Variants in CENPO observed in about 807,000 individuals in gnomAD.
CENPO encodes the protein centromere protein O.
In CENPO, 30 loss-of-function variants were observed where a neutral mutation model predicts 36.1. The ratio of observed to expected loss-of-function variants is 0.83; its 90% confidence interval spans 0.62 to 1.13. The LOEUF (loss-of-function observed/expected upper bound fraction) is 1.13. Ranked by LOEUF, CENPO falls within the 50% of genes most tolerant of loss-of-function variation. CENPO has a pLI of 0.00. For synonymous variants in CENPO, 171 were observed against 142.3 expected, an observed-to-expected ratio of 1.20 and a Z score of -1.44; for missense variants, 349 against 357.8, an observed-to-expected ratio of 0.98 and a Z score of 0.20.
chr2:24,799,146 G>A (rs950913955), intron 2 of CENPO, among the ~76,000 whole-genome samples: 6 of 151,854 alleles, frequency 4.0e-5, no homozygotes, highest in African/African-American at 1.2e-4. Flanking sequence ...ACAGGCATGC[G>A]CCACCATGCC....
In CENPO at chr2:24,820,538, G is replaced by A; in HGVS notation, c.*1220G>A. ...ACTTCAGCCCAGATTTTGTGGATGG[G>A]TGGAAGTGTTTCTTCCTGTGCTGAG... On this transcript the variant is annotated 3_prime_UTR_variant, in exon 8 of 8. Transcript: ENST00000380834. The A allele has an allele frequency of 1.4e-6, 2 of 1,403,442 alleles. No individual in the cohort carries two copies. Among genetic ancestry groups the A allele is most frequent in the East Asian group, 2.6e-5 (1 of 39,094 alleles). 86.9% of individuals were successfully genotyped at this position (1,403,442 alleles called of 1,614,324 possible). A position where few individuals can be genotyped will look rare whatever the true frequency, so the allele number is the denominator to read the frequency against.
chr2:24,812,180 G>A (rs1666722628), intron 3 of CENPO, among the ~76,000 whole-genome samples: 1 of 151,952 alleles, frequency 6.6e-6, no homozygotes, highest in African/African-American at 2.4e-5. Context: ...GAGTATATTT[G>A]GTGAGTATAT....
intron 3 of CENPO, among the ~76,000 whole-genome samples, chr2:24,810,656 C>T (rs1365401446): frequency 2.0e-5 from 3 of 151,790 alleles, no homozygotes; most frequent in South Asian, 4.2e-4. Context: ...TAGAGGTGCT[C>T]GCCACCATGC....
chr2:24,814,541 GAGTT>G (rs750562230), intron 4 of CENPO, 48 bp downstream of exon 4: 4 of 859,550 alleles, frequency 4.7e-6, no homozygotes, highest in South Asian at 2.6e-5. Flanking sequence ...TGCCTCTAGT[GAGTT>G]AGTTTGCTAG....
Position 24,817,852 on chromosome 2 carries a change from A to G in CENPO, c.*35+11A>G, listed in dbSNP as rs953781539. ...GGGAGCACATCAGAGGTAAGTAACC[A>G]GTACTGAAGACAGTACCAGGTGGGT... On this transcript the variant is annotated intron_variant, in intron 7 of 7. Coordinates refer to ENST00000380834, the MANE Select transcript of CENPO (RefSeq NM_001322101.2). 9 of 1,611,184 alleles carry G rather than the reference A, an allele frequency of 5.6e-6. No individual in the cohort carries two copies. The Admixed American group carries it at 8.3e-5, about 15-fold the overall frequency.
intron 2 of CENPO, among the ~76,000 whole-genome samples, chr2:24,798,761 G>A (rs908972713): frequency 1.3e-4 from 19 of 151,494 alleles, no homozygotes; most frequent in African/African-American, 4.4e-4. Flanking sequence ...TACCCGGCCC[G>A]ATCTCACATA....
Position 24,820,947 on chromosome 2 carries a change from A to C in CENPO, c.*1629A>C, listed in dbSNP as rs1667560494. On this transcript the variant is annotated 3_prime_UTR_variant, in exon 8 of 8. Transcript: ENST00000380834. ...CCAGACCTGTACCACAAAGCTCCTAATGTAACACATCATTGTCCTCATTCA... is the reference window on the plus strand; with the variant it reads ...CCAGACCTGTACCACAAAGCTCCTACTGTAACACATCATTGTCCTCATTCA... The C allele has an allele frequency of 2.0e-6, 3 of 1,486,804 alleles. No homozygotes were observed. Among genetic ancestry groups the C allele is most frequent in the African/African-American group, 1.4e-5 (1 of 71,746 alleles). The allele number at this position is 1,486,804 out of a possible 1,614,324, so 92.1% of individuals were successfully genotyped here.
chr2:24,806,450 C>T (rs113759501), intron 3 of CENPO, among the ~76,000 whole-genome samples: 4 of 152,278 alleles, frequency 2.6e-5, no homozygotes, highest in African/African-American at 7.2e-5. Context: ...TGTTCCTATT[C>T]GGCCATCTTG....
At position 24,821,621 on chromosome 2, in the gene CENPO, T is replaced by C; in HGVS notation, c.*2303T>C. 1 of 1,614,030 alleles carries C rather than the reference T, an allele frequency of 6.2e-7. No homozygotes were observed. Among genetic ancestry groups the C allele is most frequent in the Non-Finnish European group, 8.5e-7 (1 of 1,179,988 alleles). On this transcript the variant is annotated 3_prime_UTR_variant, in exon 8 of 8. Transcript: ENST00000380834. ...CAGGTCAGCCAGGTGCTGCCAGCGC[T>C]CTCTCTCGGACTTGTCTTCCTGTGC...
intron 2 of CENPO, 49 bp from the exon 3 acceptor site, chr2:24,799,626 A>G: frequency 1.4e-6 from 2 of 1,472,566 alleles, no homozygotes; most frequent in Non-Finnish European, 1.8e-6. Flanking sequence ...CTGTTGCCAC[A>G]GTGAGAAATC....
intron 3 of CENPO, among the ~76,000 whole-genome samples, chr2:24,803,540 G>A (rs1209501789): frequency 6.6e-6 from 1 of 152,026 alleles, no homozygotes; most frequent in African/African-American, 2.4e-5. Context: ...CTTTGTTCTC[G>A]TTGGTTTCAA....
At chr2:24,800,980 C>T (rs1327129598) in intron 3 of CENPO, among the ~76,000 whole-genome samples, 2 of 152,162 alleles carry the variant, frequency 1.3e-5, no homozygotes, top group Admixed American at 6.5e-5. Context: ...ACAGCCTCTC[C>T]AGCACCTGTT....
intron 7 of CENPO, among the ~76,000 whole-genome samples, chr2:24,818,907 C>T (rs911921928): frequency 2.6e-5 from 4 of 152,242 alleles, no homozygotes; most frequent in African/African-American, 9.6e-5. Flanking sequence ...CAGACTTAAC[C>T]CTGCAATGGC....
chr2:24,816,418 A>G (rs1572745781), intron 5 of CENPO: 1 of 474,674 alleles, frequency 2.1e-6, no homozygotes, highest in Non-Finnish European at 3.7e-6. Flanking sequence ...GCGAAGCTGT[A>G]CCCCTGGCCA....
Position 24,820,233 on chromosome 2 carries a change from C to A in CENPO, c.*915C>A. On this transcript the variant is annotated 3_prime_UTR_variant, in exon 8 of 8. Coordinates refer to ENST00000380834, the MANE Select transcript of CENPO (RefSeq NM_001322101.2). The stretch of plus-strand genomic sequence containing the variant: ...TCCATGGGTCCCAAGCAGTACGGGA[C>A]ACTCCCCAAACCTCCCAGGGCCAAG... The A allele has an allele frequency of 8.3e-7, 1 of 1,204,354 alleles. No individual in the cohort carries two copies. The highest frequency in any genetic ancestry group is 1.8e-5 in the South Asian group (1 of 56,560). 74.6% of individuals were successfully genotyped at this position (1,204,354 alleles called of 1,614,324 possible).
In CENPO at chr2:24,820,924, A is replaced by G; in HGVS notation, c.*1606A>G. 6.4e-7 allele frequency: 1 copy of G among 1,567,914 alleles called. No individual in the cohort carries two copies. The highest frequency in any genetic ancestry group is 1.8e-5 in the Admixed American group (1 of 54,976). On this transcript the variant is annotated 3_prime_UTR_variant, in exon 8 of 8. Coordinates refer to ENST00000380834, the MANE Select transcript of CENPO (RefSeq NM_001322101.2). Reference sequence around the variant, plus strand: ...GGGCCTCAGAAGCCATCTCCTCTCCAGACCTGTACCACAAAGCTCCTAATG... The same window carrying G: ...GGGCCTCAGAAGCCATCTCCTCTCCGGACCTGTACCACAAAGCTCCTAATG...
At position 24,819,449 on chromosome 2, in the gene CENPO, T is replaced by C. The variant is rs1335111816; in HGVS notation, c.*131T>C. 6.5e-6 allele frequency: 1 copy of C among 153,322 alleles called. No individual in the cohort carries two copies. The highest frequency in any genetic ancestry group is 1.5e-5 in the Non-Finnish European group (1 of 68,566). 9.5% of individuals were successfully genotyped at this position (153,322 alleles called of 1,614,324 possible). ...GGAGTTCCAGAAGAACCTTTCAAGATGATCAGGAACACCAGGACGAGGGCC... is the reference window on the plus strand; with the variant it reads ...GGAGTTCCAGAAGAACCTTTCAAGACGATCAGGAACACCAGGACGAGGGCC... On this transcript the variant is annotated 3_prime_UTR_variant, in exon 8 of 8. Transcript: ENST00000380834.
Position 24,822,304 on chromosome 2 carries a change from AGCAGGGGGTTGT to A in CENPO, c.*2988_*2999del. On this transcript the variant is annotated 3_prime_UTR_variant, in exon 8 of 8. Coordinates refer to ENST00000380834, the MANE Select transcript of CENPO (RefSeq NM_001322101.2). ...ACCATCTTAGGCCTGAGCTGTGAACAGCAGGGGGTTGTGTGTCTGTTCTGTTTCTCTGCTTGC... is the reference window on the plus strand; with the variant it reads ...ACCATCTTAGGCCTGAGCTGTGAACAGTGTCTGTTCTGTTTCTCTGCTTGC... The A allele has an allele frequency of 1.6e-6, 1 of 636,250 alleles. No individual in the cohort carries two copies. The highest frequency in any genetic ancestry group is 1.8e-5 in the African/African-American group (1 of 54,628). The allele number at this position is 636,250 out of a possible 1,614,324, so 39.4% of individuals were successfully genotyped here.
At chr2:24,799,156 C>T (rs1426267540) in intron 2 of CENPO, among the ~76,000 whole-genome samples, 1 of 151,744 alleles carries the variant, frequency 6.6e-6, no homozygotes, top group African/African-American at 2.4e-5. Flanking sequence ...GCCACCATGC[C>T]CGGCTAATTT....
Sources: allele counts gnomAD v4.1 joint callset (sites outside exome capture counted in the v4.1 genomes callset), GRCh38; gene constraint gnomAD v4.1.1; transcripts MANE v1.5; gene names NCBI Gene and HGNC (gene_info 2026-07-23, HGNC 2026-07-21).